The following CA10 variants were observed in gnomAD, a reference collection of about 807,000 sequenced individuals.
CA10 encodes the protein carbonic anhydrase-related protein 10.
CA10 carries 14 observed loss-of-function variants against 44.2 expected under a neutral mutation model. The ratio of observed to expected loss-of-function variants is 0.32; its 90% CI spans 0.21 to 0.50. The LOEUF (loss-of-function observed/expected upper bound fraction) is 0.50. CA10 is among the 20% of genes least tolerant of loss of function. The pLI, the probability that CA10 is intolerant of heterozygous loss-of-function variation, is 0.99. For missense variants in CA10, 350 were observed against 409.7 expected, an observed-to-expected ratio of 0.85 and a Z score of 1.26; for synonymous variants, 159 against 141.6, an observed-to-expected ratio of 1.12 and a Z score of -0.87.
At chr17:52,059,931 C>T (rs1035168252) in intron 2 of CA10, among the ~76,000 whole-genome samples, 2 of 152,156 alleles carry the variant, frequency 1.3e-5, no homozygotes, top group Non-Finnish European at 2.9e-5. Context: ...CAGTCCAATT[C>T]GAGAAATACT....
Position 51,821,316 on chromosome 17 carries a change from T to C in CA10, c.280-73498A>G, listed in dbSNP as rs139202346. Among the ~76,000 whole-genome samples, 52 of 151,832 alleles carry C rather than the reference T, an allele frequency of 3.4e-4. 2 individuals are homozygous for C. Among genetic ancestry groups the C allele is most frequent in the African/African-American group, 1.1e-3 (47 of 41,274 alleles). ...CCACCTTGAAGTAGGCCAAGTGCCA[T>C]GGACAGGTGGAAAGAGGGAAAGTCA... On this transcript the variant is annotated intron_variant, in intron 3 of 8. Transcript: ENST00000451037.
chr17:51,963,749 A>G (rs761057678), intron 2 of CA10, among the ~76,000 whole-genome samples: 10 of 152,200 alleles, frequency 6.6e-5, no homozygotes, highest in Non-Finnish European at 1.2e-4. Flanking sequence ...ACCGGCTTAC[A>G]AGAGACCCTT....
rs1255602560 is a variant in CA10, at chr17:51,669,548, CT to C, written c.466-15813del. On this transcript the variant is annotated intron_variant, in intron 4 of 8. Transcript: ENST00000451037. ...GTACTAAATCTTGCTGCTGCTCACTCTTTGGGTCCATGCCACTTTTATGAGC... is the reference window on the plus strand; with the variant it reads ...GTACTAAATCTTGCTGCTGCTCACTCTTGGGTCCATGCCACTTTTATGAGC... Among the ~76,000 whole-genome samples the C allele has an allele frequency of 2.6e-5, 4 of 152,284 alleles. No homozygotes were observed. The East Asian group carries it at 7.7e-4, about 29-fold the overall frequency.
At chr17:51,700,036 C>T (rs896800535) in intron 4 of CA10, among the ~76,000 whole-genome samples, 5 of 152,122 alleles carry the variant, frequency 3.3e-5, no homozygotes, top group Non-Finnish European at 5.9e-5. Flanking sequence ...TCCTTCCTTC[C>T]TTTCAAGATG....
chr17:51,895,031 A>G (rs1308243179), intron 3 of CA10, among the ~76,000 whole-genome samples: 2 of 152,072 alleles, frequency 1.3e-5, no homozygotes, highest in East Asian at 3.9e-4. Flanking sequence ...TAAAAAATAC[A>G]TTTTTTGGTA....
At chr17:51,880,652 C>A (rs1024991776) in intron 3 of CA10, among the ~76,000 whole-genome samples, 2 of 152,118 alleles carry the variant, frequency 1.3e-5, no homozygotes, top group Non-Finnish European at 2.9e-5. Flanking sequence ...GGGCTCACTG[C>A]ACCTCACATT....
chr17:51,796,821 C>A (rs929470695), intron 3 of CA10, among the ~76,000 whole-genome samples: 1 of 152,142 alleles, frequency 6.6e-6, no homozygotes, highest in Non-Finnish European at 1.5e-5. Flanking sequence ...TTCACACAGA[C>A]CACCCACAAG....
intron 2 of CA10, among the ~76,000 whole-genome samples, chr17:51,966,218 C>T (rs997540846): frequency 1.3e-5 from 2 of 151,852 alleles, no homozygotes; most frequent in African/African-American, 4.8e-5. Context: ...ACAGATGACA[C>T]AGACGGAAGA....
At chr17:51,708,076 G>A (rs1310917326) in intron 4 of CA10, among the ~76,000 whole-genome samples, 1 of 152,198 alleles carries the variant, frequency 6.6e-6, no homozygotes, top group Admixed American at 6.5e-5. Context: ...ATCTGTCCTT[G>A]CTGCTTCAGT....
intron 3 of CA10, among the ~76,000 whole-genome samples, chr17:51,849,185 A>ATATATATATATACATATATG (rs1453966970): frequency 4.2e-4 from 23 of 54,522 alleles, no homozygotes; most frequent in Non-Finnish European, 5.4e-4. Flanking sequence ...ACATATATGT[A>ATATATATATATACATATATG]TATATATATA....
chr17:51,747,701 G>A lies in CA10; in HGVS notation c.397C>T (p.Leu133=), dbSNP rs1904744456. The A allele has an allele frequency of 6.2e-7, 1 of 1,614,204 alleles. No homozygotes were observed. The highest frequency in any genetic ancestry group is 1.3e-5 in the African/African-American group (1 of 75,072). The change falls in exon 4 of 9, where the codon CTA becomes TTA. Residue 133 remains leucine (L), a synonymous_variant. Coordinates refer to ENST00000451037, the MANE Select transcript of CA10 (RefSeq NM_020178.5). ...TGGCTGTCCTCACTCCCAAAGTGTA[G>A]TCGGATCTCCTCCAGCCGGTGGCTG... ...TYSHRLEEIR[L]HFGSEDSQGS...
chr17:52,101,601 A>G (rs551476907), intron 1 of CA10, among the ~76,000 whole-genome samples: 2 of 152,294 alleles, frequency 1.3e-5, no homozygotes, highest in East Asian at 3.9e-4. Context: ...TGTCTTGAAG[A>G]CCATCCATTT....
chr17:52,002,783 A>G (rs1501253), intron 2 of CA10, among the ~76,000 whole-genome samples: 51,564 of 151,764 alleles, frequency 0.34, 10,474 homozygotes, highest in East Asian at 0.74. Flanking sequence ...ATTCCCTCAT[A>G]TAAGCATCGC....
intron 3 of CA10, among the ~76,000 whole-genome samples, chr17:51,871,177 G>A (rs1220790086): frequency 1.4e-5 from 2 of 147,598 alleles, no homozygotes; most frequent in Non-Finnish European, 3.0e-5. Context: ...TCCTGTCTCA[G>A]CCTCCTGAGT....
intron 3 of CA10, among the ~76,000 whole-genome samples, chr17:51,794,065 A>G (rs904631194): frequency 4.6e-5 from 7 of 152,264 alleles, no homozygotes; most frequent in Non-Finnish European, 5.9e-5. Flanking sequence ...TAGGCAGGAC[A>G]GATATTTGCA....
intron 1 of CA10, among the ~76,000 whole-genome samples, chr17:52,134,296 A>G (rs1442753178): frequency 6.6e-6 from 1 of 152,190 alleles, no homozygotes; most frequent in East Asian, 1.9e-4. Flanking sequence ...TTTATTCTTA[A>G]CTTATTGTAA....
Position 52,072,399 on chromosome 17 carries a change from G to A in CA10, c.62-6C>T. 1 of 1,609,266 alleles carries A rather than the reference G, an allele frequency of 6.2e-7. No individual in the cohort carries two copies. Among genetic ancestry groups the A allele is most frequent in the Non-Finnish European group, 8.5e-7 (1 of 1,175,850 alleles). On this transcript the variant is annotated splice_polypyrimidine_tract_variant and splice_region_variant and intron_variant, in intron 1 of 8. Coordinates refer to ENST00000451037, the MANE Select transcript of CA10 (RefSeq NM_020178.5). ...TTTTGGTGAATTCTGTTGAGCTAAAGGAAAAGCAAAGAAGAGAGATTAAGA... is the reference window on the plus strand; with the variant it reads ...TTTTGGTGAATTCTGTTGAGCTAAAAGAAAAGCAAAGAAGAGAGATTAAGA...
At chr17:51,774,663 C>T (rs143422036) in intron 3 of CA10, among the ~76,000 whole-genome samples, 1,740 of 152,112 alleles carry the variant, frequency 0.011, 36 homozygotes, top group African/African-American at 0.04. Context: ...AGGCTGGTCT[C>T]GAACTCCTGA....
At chr17:51,661,529 A>G (rs1302007864) in intron 4 of CA10, 1 of 152,236 alleles carries the variant, frequency 6.6e-6, no homozygotes, top group Non-Finnish European at 1.5e-5. Flanking sequence ...ATAAAACCGA[A>G]TATAAAAAAG....
Sources: gnomAD v4.1 joint callset for allele counts (sites outside exome capture counted in the v4.1 genomes callset) on GRCh38, gnomAD v4.1.1 for gene constraint, MANE v1.5 for transcripts, NCBI Gene and HGNC (gene_info 2026-07-23, HGNC 2026-07-21) for gene names.